Variants in TBL1XR1 observed in about 807,000 individuals in gnomAD.
TBL1XR1 encodes the protein TBL1X/Y related 1, also known as F-box-like/WD repeat-containing protein TBL1XR1.
TBL1XR1 carries 5 observed loss-of-function variants against 66.9 expected under a neutral mutation model. The ratio of observed to expected loss-of-function variants is 0.07; its 90% CI spans 0.04 to 0.16. The LOEUF is 0.16. TBL1XR1 is among the 10% of genes least tolerant of loss of function. The pLI is 1.00. For synonymous variants in TBL1XR1, 210 were observed against 206.0 expected, an observed-to-expected ratio of 1.02 and a Z score of -0.17; for missense variants, 238 against 623.2, an observed-to-expected ratio of 0.38 and a Z score of 6.58.
At chr3:177,170,874 G>C (rs1282079345) in intron 1 of TBL1XR1, among the ~76,000 whole-genome samples, 2 of 151,934 alleles carry the variant, frequency 1.3e-5, no homozygotes, top group Non-Finnish European at 2.9e-5. Context: ...CAAAGTGCTG[G>C]GATTGCAGGC....
intron 1 of TBL1XR1, among the ~76,000 whole-genome samples, chr3:177,175,564 A>AAT (rs1734055709): frequency 2.0e-5 from 3 of 152,194 alleles, no homozygotes; most frequent in African/African-American, 7.2e-5. Flanking sequence ...AATTTGGGTG[A>AAT]ACACACTTAA....
intron 1 of TBL1XR1, among the ~76,000 whole-genome samples, chr3:177,127,442 C>CA (rs925462951): frequency 1.3e-5 from 2 of 152,248 alleles, no homozygotes; most frequent in Admixed American, 6.5e-5. Context: ...TATTTATCTC[C>CA]AAAACCTAAA....
chr3:177,150,077 T>C (rs546921874), intron 1 of TBL1XR1, among the ~76,000 whole-genome samples: 5 of 152,212 alleles, frequency 3.3e-5, no homozygotes, highest in Non-Finnish European at 7.3e-5. Flanking sequence ...TCCCGTTTTT[T>C]CTCTTATCTG....
chr3:177,064,071 C>T (rs1308425790), intron 3 of TBL1XR1, among the ~76,000 whole-genome samples: 1 of 152,192 alleles, frequency 6.6e-6, no homozygotes, highest in African/African-American at 2.4e-5. Flanking sequence ...TAGACCTCTA[C>T]TTTATCCTTC....
At chr3:177,132,059 C>T (rs1375119528) in intron 1 of TBL1XR1, among the ~76,000 whole-genome samples, 1 of 152,192 alleles carries the variant, frequency 6.6e-6, no homozygotes, top group Non-Finnish European at 1.5e-5. Context: ...TAATGTTGCT[C>T]TGAAACCATG....
chr3:177,044,096 C>G (rs1390402614), intron 10 of TBL1XR1, among the ~76,000 whole-genome samples: 2 of 152,130 alleles, frequency 1.3e-5, no homozygotes, highest in Non-Finnish European at 1.5e-5. Flanking sequence ...TCTATGCTGC[C>G]TCCAAGGTCA....
intron 1 of TBL1XR1, among the ~76,000 whole-genome samples, chr3:177,167,473 T>C (rs1300703844): frequency 6.6e-6 from 1 of 152,170 alleles, no homozygotes; most frequent in Non-Finnish European, 1.5e-5. Flanking sequence ...TAATGTAAAC[T>C]ATGGACTTTG....
Position 177,019,658 on chromosome 3 carries a change from T to A in TBL1XR1, c.*5840A>T, listed in dbSNP as rs1296579519. Reference sequence around the variant, plus strand: ...TGATCTGATCTGCTACGGATTATACTAGGTAATAAATCTAATCCATTGTAA... The same window carrying A: ...TGATCTGATCTGCTACGGATTATACAAGGTAATAAATCTAATCCATTGTAA... On this transcript the variant is annotated 3_prime_UTR_variant, in exon 16 of 16. Transcript: ENST00000457928. 2 of 152,174 alleles carry A rather than the reference T, an allele frequency of 1.3e-5. No homozygotes were observed. The highest frequency in any genetic ancestry group is 4.8e-5 in the African/African-American group (2 of 41,448). 9.4% of individuals were successfully genotyped at this position (152,174 alleles called of 1,614,324 possible).
In TBL1XR1 at chr3:177,110,324, C is replaced by T. The variant is rs142881073; in HGVS notation, c.-121-11783G>A. ...GAAAAATGTCACTAAAATAGAATGT[C>T]TAATGACTTAAGCCCTTCTACAGTT... On this transcript the variant is annotated intron_variant, in intron 1 of 15. Transcript: ENST00000457928. 4.1e-4 allele frequency among the ~76,000 whole-genome samples: 62 copies of T among 152,318 alleles called. No individual in the cohort carries two copies. The East Asian group carries it at 8.3e-3, about 20-fold the overall frequency.
Position 177,160,427 on chromosome 3 carries a change from T to C in TBL1XR1, c.-122+36694A>G, listed in dbSNP as rs1216988358. Among the ~76,000 whole-genome samples, 4 of 151,270 alleles carry C rather than the reference T, an allele frequency of 2.6e-5. No homozygotes were observed. In the East Asian group the frequency reaches 5.9e-4, roughly 22 times the overall value. On this transcript the variant is annotated intron_variant, in intron 1 of 15. Coordinates refer to ENST00000457928, the MANE Select transcript of TBL1XR1 (RefSeq NM_024665.7). ...AGACTGAGCTTGCAGTGAGCCAAGA[T>C]TGCGCCACTGCACTCCAGCCTGGGC... is the stretch of plus-strand genomic sequence containing the variant.
intron 1 of TBL1XR1, among the ~76,000 whole-genome samples, chr3:177,112,108 T>TACATATATATATATATA (rs1553846589): frequency 2.8e-5 from 1 of 35,726 alleles, no homozygotes; most frequent in African/African-American, 1.5e-4. Context: ...TATATATATA[T>TACATATATATATATATA]TTTTTTTTTT....
At chr3:177,102,472 G>A (rs543397453) in intron 1 of TBL1XR1, among the ~76,000 whole-genome samples, 3 of 152,092 alleles carry the variant, frequency 2.0e-5, no homozygotes, top group East Asian at 1.9e-4. Flanking sequence ...AGCACACCAC[G>A]TAATTAAAAT....
At chr3:177,032,188 G>A (rs1714098843) in intron 14 of TBL1XR1, 1 of 152,160 alleles carries the variant, frequency 6.6e-6, no homozygotes, top group Non-Finnish European at 1.5e-5. Context: ...AATAAAAATT[G>A]TTACCAGCAG....
At chr3:177,167,382 CCTCT>C (rs932973521) in intron 1 of TBL1XR1, among the ~76,000 whole-genome samples, 45 of 152,222 alleles carry the variant, frequency 3.0e-4, no homozygotes, top group African/African-American at 1.0e-3. Flanking sequence ...CAGTGAAAAT[CCTCT>C]CTATTATAAG....
chr3:177,186,402 G>A (rs868850974), intron 1 of TBL1XR1, among the ~76,000 whole-genome samples: 92 of 152,018 alleles, frequency 6.1e-4, no homozygotes, highest in African/African-American at 2.1e-3. Flanking sequence ...AAAGGTAATT[G>A]CAGAAAAAGA....
intron 10 of TBL1XR1, among the ~76,000 whole-genome samples, chr3:177,043,790 T>C (rs1715943572): frequency 6.6e-6 from 1 of 152,186 alleles, no homozygotes; most frequent in Non-Finnish European, 1.5e-5. Context: ...TTGGATTAAT[T>C]GGATATTTTT....
At chr3:177,043,660 C>G (rs1464979322) in intron 10 of TBL1XR1, among the ~76,000 whole-genome samples, 3 of 152,124 alleles carry the variant, frequency 2.0e-5, no homozygotes, top group Non-Finnish European at 2.9e-5. Context: ...CTCACAATCT[C>G]TGCCTTTTAA....
At chr3:177,039,049 A>T (rs990739108) in intron 10 of TBL1XR1, among the ~76,000 whole-genome samples, 2 of 152,178 alleles carry the variant, frequency 1.3e-5, no homozygotes, top group African/African-American at 4.8e-5. Flanking sequence ...CTTAATACAA[A>T]CTTTACTTCA....
intron 1 of TBL1XR1, among the ~76,000 whole-genome samples, chr3:177,172,960 G>A (rs923366370): frequency 6.6e-6 from 1 of 152,040 alleles, no homozygotes; most frequent in African/African-American, 2.4e-5. Context: ...ATCACCTGAG[G>A]TCAGGAGTTC....
Sources: allele counts gnomAD v4.1 joint callset (sites outside exome capture counted in the v4.1 genomes callset), GRCh38; gene constraint gnomAD v4.1.1; transcripts MANE v1.5; gene names NCBI Gene and HGNC (gene_info 2026-07-23, HGNC 2026-07-21).